CCSER1: variants seen among roughly 807,000 people sequenced by gnomAD.
The protein encoded by CCSER1 is coiled-coil serine rich protein 1, also known as serine-rich coiled-coil domain-containing protein 1.
In CCSER1, 41 loss-of-function variants were observed where a neutral mutation model predicts 82.0. The observed-to-expected ratio is 0.50, with a 90% CI of 0.39 to 0.65. CCSER1 has a LOEUF of 0.65. Among genes scored for constraint, CCSER1 ranks in the 30% least tolerant of loss-of-function variants. The probability of loss-of-function intolerance (pLI) is 0.00; values close to 1 mark genes in which losing one functional copy is unlikely to be tolerated. For missense variants in CCSER1, 1,119 were observed against 1,064.2 expected, an observed-to-expected ratio of 1.05 and a Z score of -0.72; for synonymous variants, 414 against 383.9, an observed-to-expected ratio of 1.08 and a Z score of -0.92.
At chr4:91,016,734 A>G (rs1391850668) in intron 9 of CCSER1, among the ~76,000 whole-genome samples, 3 of 152,126 alleles carry the variant, frequency 2.0e-5, no homozygotes, top group Non-Finnish European at 4.4e-5. Flanking sequence ...TATGTTCTTT[A>G]TATGCAGATA....
intron 8 of CCSER1, among the ~76,000 whole-genome samples, chr4:90,837,133 T>A (rs1761901187): frequency 6.6e-6 from 1 of 152,196 alleles, no homozygotes; most frequent in Non-Finnish European, 1.5e-5. Flanking sequence ...GTATTATAGA[T>A]GACTCACATT....
chr4:91,106,387 C>T (rs1211747411), intron 10 of CCSER1, among the ~76,000 whole-genome samples: 3 of 152,132 alleles, frequency 2.0e-5, no homozygotes, highest in African/African-American at 4.8e-5. Context: ...TTAAACAATA[C>T]ACTATGACTT....
At chr4:90,216,652 A>G (rs1017119519) in intron 1 of CCSER1, among the ~76,000 whole-genome samples, 1 of 152,110 alleles carries the variant, frequency 6.6e-6, no homozygotes, top group Non-Finnish European at 1.5e-5. Flanking sequence ...TACCAGTACC[A>G]TCCTGTTTTG....
At chr4:91,499,268 T>C (rs1265377180) in intron 10 of CCSER1, among the ~76,000 whole-genome samples, 1 of 152,098 alleles carries the variant, frequency 6.6e-6, no homozygotes, top group African/African-American at 2.4e-5. Context: ...ATGTAGTTAC[T>C]ATGTATTTTG....
At chr4:91,299,236 A>C (rs2149235235) in intron 10 of CCSER1, among the ~76,000 whole-genome samples, 1 of 152,162 alleles carries the variant, frequency 6.6e-6, no homozygotes, top group Middle Eastern at 3.4e-3. Flanking sequence ...ACACTGAATT[A>C]AAGCATACTT....
In CCSER1 at chr4:90,307,664, A is replaced by G. The variant is rs913842855; in HGVS notation, c.-41-580A>G. 3.0e-4 allele frequency among the ~76,000 whole-genome samples: 46 copies of G among 150,954 alleles called. 1 individual carries two copies. Among genetic ancestry groups the G allele is most frequent in the Admixed American group, 2.2e-3 (34 of 15,180 alleles). ...AAAGCATAATTTAAAAAAAAAAAAGAGAAGAAAAAAAGTCTATAGCCATTG... is the reference window on the plus strand; with the variant it reads ...AAAGCATAATTTAAAAAAAAAAAAGGGAAGAAAAAAAGTCTATAGCCATTG... On this transcript the variant is annotated intron_variant, in intron 1 of 10. Coordinates refer to ENST00000509176, the MANE Select transcript of CCSER1 (RefSeq NM_001145065.2).
At chr4:90,359,916 T>C (rs1745038775) in intron 3 of CCSER1, among the ~76,000 whole-genome samples, 2 of 145,994 alleles carry the variant, frequency 1.4e-5, no homozygotes, top group Admixed American at 1.4e-4. Context: ...TATATATATG[T>C]ATATAATTTT....
chr4:90,580,686 G>C (rs1269393195), intron 5 of CCSER1, among the ~76,000 whole-genome samples: 1 of 152,068 alleles, frequency 6.6e-6, no homozygotes, highest in Non-Finnish European at 1.5e-5. Context: ...GAGCAACTTT[G>C]GTCTGTTGAG....
In CCSER1 at chr4:91,447,385, T is replaced by TC. The variant is rs374370770; in HGVS notation, c.2218-151181dup. Among the ~76,000 whole-genome samples the TC allele has an allele frequency of 1.5e-3, 75 of 49,716 alleles. 1 individual carries two copies. The highest frequency in any genetic ancestry group is 0.012 in the South Asian group (19 of 1,524). 32.6% of individuals were successfully genotyped at this position (49,716 alleles called of 152,430 possible). Reference sequence around the variant, plus strand: ...GGCTTTGTCACTTATTATCTTACACTCCCCCCTAAACCTGCTATTTCTCCT... The same window carrying TC: ...GGCTTTGTCACTTATTATCTTACACTCCCCCCCTAAACCTGCTATTTCTCCT... On this transcript the variant is annotated intron_variant, in intron 10 of 10. Coordinates refer to ENST00000509176, the MANE Select transcript of CCSER1 (RefSeq NM_001145065.2).
chr4:91,294,460 C>T (rs978410779), intron 10 of CCSER1, among the ~76,000 whole-genome samples: 2 of 151,742 alleles, frequency 1.3e-5, no homozygotes, highest in Admixed American at 6.6e-5. Flanking sequence ...GTCTTAGTTT[C>T]CTAGGCCTGC....
At chr4:91,086,977 T>C (rs552892810) in intron 10 of CCSER1, among the ~76,000 whole-genome samples, 1 of 152,230 alleles carries the variant, frequency 6.6e-6, no homozygotes, top group East Asian at 1.9e-4. Context: ...GATAAATCTT[T>C]AGATATTTTT....
At chr4:90,358,717 A>G (rs992791346) in intron 3 of CCSER1, among the ~76,000 whole-genome samples, 2 of 152,092 alleles carry the variant, frequency 1.3e-5, no homozygotes, top group Non-Finnish European at 2.9e-5. Context: ...CAAATATTAA[A>G]CCTTTGTAAC....
intron 10 of CCSER1, chr4:91,129,869 T>C (rs1459776969): frequency 6.6e-6 from 1 of 152,006 alleles, no homozygotes; most frequent in South Asian, 2.1e-4. Context: ...AGGCCCTGTA[T>C]TGATTAGGAA....
rs550947738 is a variant in CCSER1 at position 90,451,202 on chromosome 4, G to A, written c.1604-17032G>A. ...TTATTGCTCTGAAGGTACTTGGGAAGTCCAATGTGAGGAATTATTTCATTA... is the reference window on the plus strand; with the variant it reads ...TTATTGCTCTGAAGGTACTTGGGAAATCCAATGTGAGGAATTATTTCATTA... On this transcript the variant is annotated intron_variant, in intron 4 of 10. Transcript: ENST00000509176. 9.8e-5 allele frequency among the ~76,000 whole-genome samples: 15 copies of A among 152,290 alleles called. No homozygotes were observed. The South Asian group carries it at 3.1e-3, about 32-fold the overall frequency.
chr4:90,309,397 T>A lies in CCSER1; in HGVS notation c.1113T>A (p.Ser371Arg). ...CAGAGAGTAACCTACCAGCAGATAG[T>A]GAAAGAGAAGAAAATATAGGGTTAC... ...SHSESNLPAD[S>R]EREENIGLQN... Residue 371 changes from serine to arginine, a missense_variant, in exon 2 of 11, where the codon AGT (serine) becomes AGA (arginine). Coordinates refer to ENST00000509176, the MANE Select transcript of CCSER1 (RefSeq NM_001145065.2). 1 of 1,613,756 alleles carries A rather than the reference T, an allele frequency of 6.2e-7. No individual in the cohort carries two copies. Among genetic ancestry groups the A allele is most frequent in the African/African-American group, 1.3e-5 (1 of 75,012 alleles).
intron 8 of CCSER1, among the ~76,000 whole-genome samples, chr4:90,915,030 A>C (rs535867779): frequency 6.6e-6 from 1 of 152,336 alleles, no homozygotes; most frequent in South Asian, 2.1e-4. Context: ...TTAATAGCAT[A>C]CTAACCAAAA....
At chr4:90,332,386 G>A (rs527346445) in intron 3 of CCSER1, among the ~76,000 whole-genome samples, 4 of 151,652 alleles carry the variant, frequency 2.6e-5, no homozygotes, top group East Asian at 3.9e-4. Context: ...ACAAGCGTGC[G>A]CTACCACCCT....
At chr4:90,784,187 A>T (rs1754173166) in intron 7 of CCSER1, among the ~76,000 whole-genome samples, 1 of 152,178 alleles carries the variant, frequency 6.6e-6, no homozygotes, top group African/African-American at 2.4e-5. Context: ...TTCTGAGTGA[A>T]GAAGTGCTCA....
At chr4:91,031,324 T>A (rs185401403) in intron 9 of CCSER1, among the ~76,000 whole-genome samples, 36 of 152,278 alleles carry the variant, frequency 2.4e-4, no homozygotes, top group African/African-American at 8.4e-4. Flanking sequence ...CCCTTTGTCC[T>A]ACATGGATGA....
Sources: gnomAD v4.1 joint callset for allele counts (sites outside exome capture counted in the v4.1 genomes callset) on GRCh38, gnomAD v4.1.1 for gene constraint, MANE v1.5 for transcripts, NCBI Gene and HGNC (gene_info 2026-07-23, HGNC 2026-07-21) for gene names.